Variants in KDM4C observed in about 807,000 individuals in gnomAD.
KDM4C encodes the protein lysine-specific demethylase 4C.
Under a neutral mutation model 129.3 loss-of-function variants are expected in KDM4C, and 81 were observed. The observed-to-expected ratio is 0.63, with a 90% CI of 0.52 to 0.75. The LOEUF is 0.75. Ranked by LOEUF, KDM4C falls within the 30% of genes least tolerant of loss-of-function variation. The probability of loss-of-function intolerance (pLI) is 0.00; values close to 1 mark genes in which losing one functional copy is unlikely to be tolerated. For missense variants in KDM4C, 1,457 were observed against 1,304.0 expected (o/e 1.12, Z -1.81); for synonymous variants, 573 against 456.1 (o/e 1.26, Z -3.26).
intron 8 of KDM4C, among the ~76,000 whole-genome samples, chr9:6,932,791 A>G (rs571658166): frequency 5.3e-5 from 8 of 152,310 alleles, no homozygotes; most frequent in South Asian, 4.1e-4. Context: ...GGAGGTGCCA[A>G]TGGCATCAGC....
At chr9:6,833,251 T>C (rs572851958) in intron 4 of KDM4C, among the ~76,000 whole-genome samples, 2 of 152,074 alleles carry the variant, frequency 1.3e-5, no homozygotes, top group Non-Finnish European at 1.5e-5. Context: ...CTATTTTTTT[T>C]AAAAAACAGA....
chr9:7,048,925 A>G (rs1325926923), intron 16 of KDM4C, among the ~76,000 whole-genome samples, 167 bp from the exon 17 acceptor site: 11 of 152,064 alleles, frequency 7.2e-5, no homozygotes, highest in Admixed American at 5.2e-4. Context: ...GAGTCTGTCC[A>G]GGTATCATTC....
At chr9:6,883,669 G>C (rs1391302617) in intron 6 of KDM4C, among the ~76,000 whole-genome samples, 1 of 152,164 alleles carries the variant, frequency 6.6e-6, no homozygotes, top group Admixed American at 6.5e-5. Context: ...AGAATGGAGA[G>C]GAAGAATTCA....
chr9:6,872,897 T>C (rs1842982260), intron 5 of KDM4C, among the ~76,000 whole-genome samples: 2 of 152,200 alleles, frequency 1.3e-5, no homozygotes, highest in South Asian at 4.1e-4. Flanking sequence ...TATTCGCCTT[T>C]AACAATAGAG....
chr9:6,781,830 T>C (rs954006167), intron 1 of KDM4C, among the ~76,000 whole-genome samples: 4 of 151,972 alleles, frequency 2.6e-5, no homozygotes, highest in African/African-American at 9.7e-5. Flanking sequence ...ATTTTTTTTT[T>C]TTTTTTTGAG....
At chr9:6,834,911 A>G (rs988673341) in intron 4 of KDM4C, 8 of 1,209,690 alleles carry the variant, frequency 6.6e-6, no homozygotes, top group Non-Finnish European at 9.8e-6. Context: ...TGGTACCGTG[A>G]TGGACTCCGG....
chr9:7,147,461 C>T (rs1188923441), intron 19 of KDM4C, among the ~76,000 whole-genome samples: 1 of 152,184 alleles, frequency 6.6e-6, no homozygotes, highest in Non-Finnish European at 1.5e-5. Flanking sequence ...CAGAGAAATT[C>T]ACCCCAAGCC....
At chr9:6,799,313 G>A (rs1250659559) in intron 2 of KDM4C, among the ~76,000 whole-genome samples, 11 of 152,260 alleles carry the variant, frequency 7.2e-5, no homozygotes, top group Non-Finnish European at 5.9e-5. Context: ...CTGCAATCCC[G>A]GCATCTTGGG....
At chr9:7,068,713 T>TTTTTTAAA (rs1832787247) in intron 17 of KDM4C, among the ~76,000 whole-genome samples, 1 of 90,662 alleles carries the variant, frequency 1.1e-5, no homozygotes, top group African/African-American at 4.7e-5. Flanking sequence ...TTTTTTTTTT[T>TTTTTTAAA]GAAACAGAAT....
intron 1 of KDM4C, among the ~76,000 whole-genome samples, chr9:6,736,223 A>C (rs942397647): frequency 1.3e-5 from 2 of 152,146 alleles, no homozygotes; most frequent in African/African-American, 4.8e-5. Flanking sequence ...GAAAATTGCA[A>C]CCTGACAATG....
At chr9:6,930,278 G>A (rs11788152) in intron 8 of KDM4C, among the ~76,000 whole-genome samples, 2 of 151,878 alleles carry the variant, frequency 1.3e-5, no homozygotes. Context: ...TCAGAATAAC[G>A]CTGCCCCATT....
intron 19 of KDM4C, among the ~76,000 whole-genome samples, chr9:7,158,656 T>A (rs1843453567): frequency 6.6e-6 from 1 of 152,160 alleles, no homozygotes; most frequent in East Asian, 1.9e-4. Flanking sequence ...CGGTTTTGAG[T>A]GAGTTTCTTT....
At chr9:6,851,721 A>G (rs1027781506) in intron 5 of KDM4C, among the ~76,000 whole-genome samples, 2 of 152,206 alleles carry the variant, frequency 1.3e-5, no homozygotes, top group South Asian at 2.1e-4. Flanking sequence ...TAATTAAGAA[A>G]GATGGCTGTC....
chr9:7,028,830 T>G (rs999160934), intron 15 of KDM4C, among the ~76,000 whole-genome samples: 4 of 152,170 alleles, frequency 2.6e-5, no homozygotes, highest in Admixed American at 6.5e-5. Flanking sequence ...GTTTGCTTTC[T>G]CTTGTAACTG....
At chr9:7,150,879 C>A (rs1334200426) in intron 19 of KDM4C, among the ~76,000 whole-genome samples, 1 of 152,178 alleles carries the variant, frequency 6.6e-6, no homozygotes. Context: ...GATGTGGCTG[C>A]TTTGGAAAAT....
chr9:6,846,120 C>T (rs1459597376), intron 4 of KDM4C, among the ~76,000 whole-genome samples: 1 of 152,120 alleles, frequency 6.6e-6, no homozygotes, highest in Non-Finnish European at 1.5e-5. Flanking sequence ...GTTTGCTGCT[C>T]CTGAACCTCA....
At chr9:7,068,686 CTTTTTTTTT>C (rs542039227) in intron 17 of KDM4C, among the ~76,000 whole-genome samples, 5,577 of 101,756 alleles carry the variant, frequency 0.055, 165 homozygotes, top group African/African-American at 0.11. Flanking sequence ...GATGCCCTTT[CTTTTTTTTT>C]TTTTTTTTTT....
chr9:6,726,369 C>T (rs897088468), intron 1 of KDM4C: 5 of 152,312 alleles, frequency 3.3e-5, no homozygotes, highest in Admixed American at 2.0e-4. Flanking sequence ...TAGTTTGTGT[C>T]CCCCTGACAC....
intron 5 of KDM4C, among the ~76,000 whole-genome samples, chr9:6,858,903 G>C (rs4311700): frequency 2.6e-5 from 4 of 151,966 alleles, no homozygotes; most frequent in Non-Finnish European, 5.9e-5. Context: ...GATTGGAGTT[G>C]GTAGAAAATG....
Sources: gnomAD v4.1 joint callset for allele counts (sites outside exome capture counted in the v4.1 genomes callset) on GRCh38, gnomAD v4.1.1 for gene constraint, MANE v1.5 for transcripts, NCBI Gene and HGNC (gene_info 2026-07-23, HGNC 2026-07-21) for gene names.